Variants in SYNPR observed in about 807,000 individuals in gnomAD.
SYNPR encodes synaptoporin.
Under a neutral mutation model 32.9 loss-of-function variants are expected in SYNPR, and 23 were observed. The ratio of observed to expected loss-of-function variants is 0.70; its 90% CI spans 0.50 to 0.99. SYNPR has a LOEUF of 0.99. SYNPR is among the 50% of genes least tolerant of loss of function. The pLI, the probability that SYNPR is intolerant of heterozygous loss-of-function variation, is 0.00. For synonymous variants in SYNPR, 146 were observed against 135.9 expected (o/e 1.07, Z -0.52); for missense variants, 318 against 349.3 (o/e 0.91, Z 0.71).
rs557639493 is a variant in SYNPR, at chr3:63,378,299, G to T, written c.84+99557G>T. Reference sequence around the variant, plus strand: ...CTTTGTAAATACACAGAAAAATAGAGACAGTAGAATTATAAACCAACCTAT... The same window carrying T: ...CTTTGTAAATACACAGAAAAATAGATACAGTAGAATTATAAACCAACCTAT... On this transcript the variant is annotated intron_variant, in intron 2 of 5. Coordinates refer to ENST00000478300, the MANE Select transcript of SYNPR (RefSeq NM_001130003.2). 7.2e-5 allele frequency among the ~76,000 whole-genome samples: 11 copies of T among 152,012 alleles called. No homozygotes were observed. The South Asian group carries it at 2.3e-3, about 32-fold the overall frequency.
chr3:63,397,363 T>G (rs541075889), intron 2 of SYNPR, among the ~76,000 whole-genome samples: 3 of 152,282 alleles, frequency 2.0e-5, no homozygotes, highest in East Asian at 3.9e-4. Context: ...AAATCTTAGT[T>G]GAAACTCTGG....
In SYNPR at chr3:63,411,887, A is replaced by G. The variant is rs141074996; in HGVS notation, c.85-68945A>G. On this transcript the variant is annotated intron_variant, in intron 2 of 5. Transcript: ENST00000478300. The stretch of plus-strand genomic sequence containing the variant: ...GAAGAGTTTTAAGCCCTGTGATAAC[A>G]TTGTCAGATGTGCATTCTAAAATGC... Among the ~76,000 whole-genome samples, 9 of 152,266 alleles carry G rather than the reference A, an allele frequency of 5.9e-5. No homozygotes were observed. The East Asian group carries it at 1.7e-3, about 29-fold the overall frequency.
At chr3:63,594,071 G>A (rs568533567) in intron 4 of SYNPR, among the ~76,000 whole-genome samples, 7 of 152,148 alleles carry the variant, frequency 4.6e-5, no homozygotes, top group Non-Finnish European at 7.3e-5. Flanking sequence ...TAACTTCTCT[G>A]ATCTTTTCCT....
intron 2 of SYNPR, among the ~76,000 whole-genome samples, chr3:63,433,100 C>T (rs185943874): frequency 7.2e-5 from 11 of 152,240 alleles, no homozygotes; most frequent in African/African-American, 1.4e-4. Flanking sequence ...CAGAGTATTG[C>T]GTGTTATAAC....
rs1700184715 is a variant in SYNPR at position 63,610,634 on chromosome 3, G to C, written c.600+1318G>C. The C allele has an allele frequency of 7.2e-6, 4 of 559,062 alleles. No individual in the cohort carries two copies. The East Asian group carries it at 8.5e-5, about 12-fold the overall frequency. The allele number at this position is 559,062 out of a possible 1,614,324, so 34.6% of individuals were successfully genotyped here. On this transcript the variant is annotated intron_variant, in intron 5 of 5. Transcript: ENST00000478300. ...TTCATTGCTGACCACACTTGTAAAT[G>C]AACACTTTGAGGTATACGTTACCAT...
intron 2 of SYNPR, among the ~76,000 whole-genome samples, chr3:63,380,536 T>C (rs2087952980): frequency 2.6e-5 from 4 of 152,226 alleles, no homozygotes; most frequent in Admixed American, 2.6e-4. Flanking sequence ...GATGGTGTTG[T>C]TTGTTTTTTT....
chr3:63,321,931 A>G (rs887817805), intron 2 of SYNPR, among the ~76,000 whole-genome samples: 2 of 152,070 alleles, frequency 1.3e-5, no homozygotes, highest in Admixed American at 6.6e-5. Flanking sequence ...TGCTGGCAGG[A>G]AATTAGCAGT....
chr3:63,591,849 C>T (rs1699833852), intron 4 of SYNPR, among the ~76,000 whole-genome samples: 1 of 147,694 alleles, frequency 6.8e-6, no homozygotes. Flanking sequence ...GGAGATATAC[C>T]TAATGCTAGA....
At chr3:63,323,816 G>A (rs1348350095) in intron 2 of SYNPR, among the ~76,000 whole-genome samples, 1 of 152,122 alleles carries the variant, frequency 6.6e-6, no homozygotes, top group Admixed American at 6.5e-5. Flanking sequence ...TTAGCACTTT[G>A]TTCCAAGAAT....
intron 3 of SYNPR, among the ~76,000 whole-genome samples, chr3:63,494,245 A>T (rs996784488): frequency 6.6e-5 from 10 of 151,278 alleles, no homozygotes; most frequent in African/African-American, 2.2e-4. Flanking sequence ...TGGTAGTAAT[A>T]GGTGAACAGT....
intron 2 of SYNPR, among the ~76,000 whole-genome samples, chr3:63,463,559 G>C (rs1700625597): frequency 6.6e-6 from 1 of 152,158 alleles, no homozygotes; most frequent in Non-Finnish European, 1.5e-5. Context: ...TTCTCTGTCA[G>C]AGCAGAAGTT....
At chr3:63,558,567 G>T (rs1034874177) in intron 4 of SYNPR, among the ~76,000 whole-genome samples, 3 of 152,008 alleles carry the variant, frequency 2.0e-5, no homozygotes, top group Non-Finnish European at 4.4e-5. Context: ...CAAACTTCTG[G>T]ACTCAGGTTA....
the SYNPR span, among the ~76,000 whole-genome samples, chr3:63,210,663 G>A: frequency 1.8e-3 from 267 of 152,286 alleles, 1 homozygote; most frequent in African/African-American, 6.1e-3. Flanking sequence ...GAATGATGAA[G>A]AGAAGAAGTA....
intron 2 of SYNPR, among the ~76,000 whole-genome samples, chr3:63,375,195 A>C (rs1462384454): frequency 1.3e-5 from 2 of 152,168 alleles, no homozygotes; most frequent in Non-Finnish European, 2.9e-5. Flanking sequence ...TAGAAATACC[A>C]TTTGACCCAG....
At chr3:63,335,092 C>A (rs1395017163) in intron 2 of SYNPR, among the ~76,000 whole-genome samples, 1 of 152,126 alleles carries the variant, frequency 6.6e-6, no homozygotes, top group Non-Finnish European at 1.5e-5. Flanking sequence ...CCGTGGCTCA[C>A]GCCTGTAATC....
At chr3:63,249,177 A>T (rs1202874852) in intron 1 of SYNPR, among the ~76,000 whole-genome samples, 1 of 152,128 alleles carries the variant, frequency 6.6e-6, no homozygotes, top group Non-Finnish European at 1.5e-5. Flanking sequence ...AGGCCAGAAT[A>T]TCTGTGAGAA....
At chr3:63,311,050 G>A (rs1302462282) in intron 2 of SYNPR, among the ~76,000 whole-genome samples, 1 of 151,944 alleles carries the variant, frequency 6.6e-6, no homozygotes, top group Non-Finnish European at 1.5e-5. Flanking sequence ...GATATGTCAA[G>A]TTGAATGTGT....
At chr3:63,319,796 T>A (rs2087088472) in intron 2 of SYNPR, among the ~76,000 whole-genome samples, 1 of 151,988 alleles carries the variant, frequency 6.6e-6, no homozygotes, top group African/African-American at 2.4e-5. Flanking sequence ...AAAGAAATTG[T>A]CTAAAAGATT....
chr3:63,334,674 T>C (rs199984669), intron 2 of SYNPR, among the ~76,000 whole-genome samples: 14 of 152,152 alleles, frequency 9.2e-5, no homozygotes, highest in South Asian at 2.1e-4. Flanking sequence ...TGGAAACTTA[T>C]TGGGTATCTT....
Sources: gnomAD v4.1 joint callset for allele counts (sites outside exome capture counted in the v4.1 genomes callset) on GRCh38, gnomAD v4.1.1 for gene constraint, MANE v1.5 for transcripts, NCBI Gene and HGNC (gene_info 2026-07-23, HGNC 2026-07-21) for gene names.